The following PTPRZ1 variants were observed in gnomAD, a reference collection of about 807,000 sequenced individuals.
The protein encoded by PTPRZ1 is protein tyrosine phosphatase receptor type Z1.
A neutral mutation model predicts 214.1 loss-of-function variants in PTPRZ1; 82 were observed. The observed-to-expected ratio is 0.38, with a 90% CI of 0.32 to 0.46. PTPRZ1 has a LOEUF of 0.46. Among genes scored for constraint, PTPRZ1 ranks in the 20% least tolerant of loss-of-function variants. PTPRZ1 has a pLI of 1.00. For synonymous variants in PTPRZ1, 945 were observed against 987.9 expected, an observed-to-expected ratio of 0.96 and a Z score of 0.81; for missense variants, 2,603 against 2,748.7, an observed-to-expected ratio of 0.95 and a Z score of 1.19.
At chr7:122,017,345 T>A (rs1042998513) in intron 12 of PTPRZ1, among the ~76,000 whole-genome samples, 2 of 151,716 alleles carry the variant, frequency 1.3e-5, no homozygotes, top group Non-Finnish European at 2.9e-5. Flanking sequence ...AAAAATGGAG[T>A]CTTGGGCTTT....
At chr7:122,008,565 G>C (rs1483585149) in intron 11 of PTPRZ1, among the ~76,000 whole-genome samples, 1 of 151,990 alleles carries the variant, frequency 6.6e-6, no homozygotes, top group Non-Finnish European at 1.5e-5. Flanking sequence ...TAACTTGGTT[G>C]GTCCCTGTTT....
chr7:121,948,459 A>T (rs1041096469), intron 2 of PTPRZ1, among the ~76,000 whole-genome samples: 1 of 152,160 alleles, frequency 6.6e-6, no homozygotes, highest in Non-Finnish European at 1.5e-5. Context: ...CTATTTTAGA[A>T]ATATAAATAA....
intron 28 of PTPRZ1, 89 bp downstream of exon 28, chr7:122,059,031 G>A (rs1183741729): frequency 7.9e-7 from 1 of 1,264,270 alleles, no homozygotes; most frequent in African/African-American, 1.5e-5. Flanking sequence ...CTAATGCTTT[G>A]GACCCACTGT....
intron 1 of PTPRZ1, among the ~76,000 whole-genome samples, chr7:121,888,366 A>G (rs555933678): frequency 6.6e-6 from 1 of 152,218 alleles, no homozygotes; most frequent in South Asian, 2.1e-4. Context: ...ATAAAAGTCT[A>G]TCAAGATGGG....
chr7:121,893,011 A>C (rs1187416256), intron 1 of PTPRZ1, among the ~76,000 whole-genome samples: 1 of 151,978 alleles, frequency 6.6e-6, no homozygotes, highest in African/African-American at 2.4e-5. Flanking sequence ...AATTTTTAAC[A>C]TTTTATTTAA....
intron 19 of PTPRZ1, 39 bp downstream of exon 19, chr7:122,038,928 A>G: frequency 6.2e-7 from 1 of 1,604,484 alleles, no homozygotes; most frequent in South Asian, 1.1e-5. Context: ...CAAAAAAGTA[A>G]TTAGAGGTAC....
intron 6 of PTPRZ1, among the ~76,000 whole-genome samples, chr7:121,977,903 A>G (rs533269057): frequency 2.5e-4 from 38 of 152,266 alleles, no homozygotes; most frequent in Middle Eastern, 3.4e-3. Flanking sequence ...TGTGTAAGAT[A>G]TGAATTCTGA....
At chr7:122,006,791 T>G (rs1374132044) in intron 11 of PTPRZ1, among the ~76,000 whole-genome samples, 1 of 151,948 alleles carries the variant, frequency 6.6e-6, no homozygotes, top group East Asian at 1.9e-4. Flanking sequence ...AGTGGAGTCA[T>G]GGAGGTTAAT....
At chr7:121,926,118 C>CA (rs1248253198) in intron 1 of PTPRZ1, among the ~76,000 whole-genome samples, 3 of 152,102 alleles carry the variant, frequency 2.0e-5, no homozygotes, top group African/African-American at 7.2e-5. Flanking sequence ...GCCTGACCAA[C>CA]ATAGTGAAAC....
intron 12 of PTPRZ1, 103 bp downstream of exon 12, chr7:122,013,992 C>A: frequency 1.0e-6 from 1 of 972,836 alleles, no homozygotes; most frequent in Non-Finnish European, 1.5e-6. Context: ...AATGGTACAT[C>A]ATCATTTTTA....
intron 1 of PTPRZ1, among the ~76,000 whole-genome samples, chr7:121,927,009 A>G (rs1261974695): frequency 1.3e-5 from 2 of 152,200 alleles, no homozygotes; most frequent in African/African-American, 4.8e-5. Flanking sequence ...GTTTTTATAA[A>G]ATAGTAACTT....
intron 1 of PTPRZ1, among the ~76,000 whole-genome samples, chr7:121,888,884 A>C (rs902745470): frequency 6.6e-6 from 1 of 152,160 alleles, no homozygotes; most frequent in South Asian, 2.1e-4. Context: ...ATTTTATTAC[A>C]TAATAGCTAA....
chr7:122,059,097 A>T (rs1792476540), intron 28 of PTPRZ1, among the ~76,000 whole-genome samples, 155 bp downstream of exon 28: 1 of 148,484 alleles, frequency 6.7e-6, no homozygotes, highest in East Asian at 2.0e-4. Flanking sequence ...AACACAGAAC[A>T]TTTTTTTTTT....
At chr7:121,896,323 ACTT>A (rs1328152937) in intron 1 of PTPRZ1, among the ~76,000 whole-genome samples, 1 of 152,106 alleles carries the variant, frequency 6.6e-6, no homozygotes, top group Non-Finnish European at 1.5e-5. Context: ...CCATTGAACA[ACTT>A]CTCATTTTTC....
chr7:121,937,839 T>C (rs1402022687), intron 2 of PTPRZ1, among the ~76,000 whole-genome samples: 1 of 152,218 alleles, frequency 6.6e-6, no homozygotes, highest in Non-Finnish European at 1.5e-5. Context: ...GGTAGATGCC[T>C]TCTGATCGGA....
chr7:121,897,382 T>C (rs1263963141), intron 1 of PTPRZ1, among the ~76,000 whole-genome samples: 1 of 152,068 alleles, frequency 6.6e-6, no homozygotes, highest in African/African-American at 2.4e-5. Context: ...GAAAAAAAAA[T>C]GTAACATGAC....
intron 13 of PTPRZ1, 30 bp downstream of exon 13, chr7:122,019,298 A>T (rs767157708): frequency 6.3e-7 from 1 of 1,583,754 alleles, no homozygotes; most frequent in South Asian, 1.1e-5. Flanking sequence ...TGGAAAATTT[A>T]ATTCATAAAA....
chr7:122,044,767 G>A (rs1282217184), intron 23 of PTPRZ1, among the ~76,000 whole-genome samples, 199 bp downstream of exon 23: 1 of 152,106 alleles, frequency 6.6e-6, no homozygotes, highest in Non-Finnish European at 1.5e-5. Flanking sequence ...GCAGCAAGAG[G>A]AAAAGTTCTC....
chr7:121,993,100 C>T (rs1798021556), intron 8 of PTPRZ1, among the ~76,000 whole-genome samples: 1 of 152,182 alleles, frequency 6.6e-6, no homozygotes, highest in African/African-American at 2.4e-5. Context: ...GAAGCTTCAA[C>T]AGTTTCGAAC....
Sources: gnomAD v4.1 joint callset for allele counts (sites outside exome capture counted in the v4.1 genomes callset) on GRCh38, gnomAD v4.1.1 for gene constraint, MANE v1.5 for transcripts, NCBI Gene and HGNC (gene_info 2026-07-23, HGNC 2026-07-21) for gene names.